The following ATAD2 variants were observed in gnomAD, a reference collection of about 807,000 sequenced individuals.
ATAD2 encodes the protein ATPase family AAA domain containing 2.
ATAD2 carries 62 observed loss-of-function variants against 168.9 expected under a neutral mutation model. The ratio of observed to expected loss-of-function variants is 0.37; its 90% CI spans 0.30 to 0.45. The LOEUF is 0.45. Among genes scored for constraint, ATAD2 ranks in the 20% least tolerant of loss-of-function variants. The pLI, the probability that ATAD2 is intolerant of heterozygous loss-of-function variation, is 1.00. For synonymous variants in ATAD2, 613 were observed against 571.6 expected (o/e 1.07, Z -1.03); for missense variants, 1,419 against 1,667.8 (o/e 0.85, Z 2.60).
At chr8:123,413,854 CT>C (rs1813199357) in intron 1 of ATAD2, among the ~76,000 whole-genome samples, 1 of 151,770 alleles carries the variant, frequency 6.6e-6, no homozygotes, top group Non-Finnish European at 1.5e-5. Flanking sequence ...TGTGCAAAGG[CT>C]TGGGGTATCA....
chr8:123,351,521 TG>T (rs1380948819), intron 13 of ATAD2, among the ~76,000 whole-genome samples: 1 of 152,098 alleles, frequency 6.6e-6, no homozygotes, highest in Admixed American at 6.5e-5. Flanking sequence ...GGCTGCAAAA[TG>T]GTGACTTTCT....
intron 12 of ATAD2, among the ~76,000 whole-genome samples, chr8:123,357,257 C>T (rs1563848243): frequency 6.6e-6 from 1 of 152,082 alleles, no homozygotes; most frequent in Admixed American, 6.5e-5. Context: ...TCTTTAACTC[C>T]CATACTGAGC....
chr8:123,340,639 A>G (rs2131308676), intron 19 of ATAD2, among the ~76,000 whole-genome samples: 1 of 152,374 alleles, frequency 6.6e-6, no homozygotes. Context: ...CCTAAAAAGG[A>G]ATAAAATTTG....
intron 1 of ATAD2, among the ~76,000 whole-genome samples, chr8:123,410,175 C>G (rs1240486105): frequency 6.6e-6 from 1 of 152,110 alleles, no homozygotes; most frequent in African/African-American, 2.4e-5. Flanking sequence ...TTTCGTATTT[C>G]TTCCTTAACC....
At chr8:123,401,614 C>A in intron 1 of ATAD2, 2 of 1,102,808 alleles carry the variant, frequency 1.8e-6, no homozygotes, top group Non-Finnish European at 2.8e-6. Flanking sequence ...ACTGTGTGTA[C>A]AAGGTGGCTG....
intron 1 of ATAD2, among the ~76,000 whole-genome samples, chr8:123,406,859 T>G (rs550137886): frequency 3.3e-5 from 5 of 152,056 alleles, no homozygotes; most frequent in Admixed American, 2.0e-4. Flanking sequence ...CTTTAGCTTT[T>G]GGTTGGATTA....
rs140952509 is a variant in ATAD2, at chr8:123,375,827, G to A, written c.321-3141C>T. 3.7e-3 allele frequency among the ~76,000 whole-genome samples: 569 copies of A among 152,014 alleles called. 4 individuals carry two copies. The highest frequency in any genetic ancestry group is 0.013 in the African/African-American group (548 of 41,464). On this transcript the variant is annotated intron_variant, in intron 2 of 27. Coordinates refer to ENST00000287394, the MANE Select transcript of ATAD2 (RefSeq NM_014109.4). The stretch of plus-strand genomic sequence containing the variant: ...ATCTACTAAAAATACAAAAATTAGT[G>A]GCTGGGTGCAGTGGCTTATGCCTGT...
At chr8:123,354,864 A>AATATATATATATATATATAT (rs1251736641) in intron 13 of ATAD2, among the ~76,000 whole-genome samples, 23 of 64,704 alleles carry the variant, frequency 3.6e-4, no homozygotes, top group African/African-American at 2.0e-3. Context: ...AAAAAAAAAA[A>AATATATATATATATATATAT]ATATATATAT....
At chr8:123,398,008 G>C (rs914799403), upstream of ATAD2, among the ~76,000 whole-genome samples, 27 of 151,932 alleles carry the variant, frequency 1.8e-4, no homozygotes, top group African/African-American at 6.3e-4. Flanking sequence ...ACTTTTGAGG[G>C]CTTTTATTAT....
Position 123,366,741 on chromosome 8 carries a change from G to C in ATAD2, c.1049+2317C>G, listed in dbSNP as rs73341760. ...AACTGTGGGAACTCAGGGGGAAAGA[G>C]TGGGAAGGGAGTGAGGGATAAAAGA... On this transcript the variant is annotated intron_variant, in intron 8 of 27. Transcript: ENST00000287394. Among the ~76,000 whole-genome samples the C allele has an allele frequency of 9.3e-4, 141 of 152,316 alleles. 2 individuals carry two copies. Among genetic ancestry groups the C allele is most frequent in the African/African-American group, 3.3e-3 (139 of 41,574 alleles).
intron 1 of ATAD2, among the ~76,000 whole-genome samples, chr8:123,384,079 CA>C (rs754380577): frequency 0.048 from 3,488 of 73,328 alleles, 110 homozygotes; most frequent in African/African-American, 0.14. Context: ...GACTCCGTCT[CA>C]AAAAAAAAAA....
At chr8:123,354,855 AAAAAAAAAAATAT>A (rs1231558494) in intron 13 of ATAD2, among the ~76,000 whole-genome samples, 3 of 125,048 alleles carry the variant, frequency 2.4e-5, no homozygotes, top group Non-Finnish European at 4.9e-5. Flanking sequence ...AAAAAAAAAA[AAAAAAAAAAATAT>A]ATATATATAT....
chr8:123,326,124 TAA>T, intron 25 of ATAD2, 98 bp from the exon 26 acceptor site: 2 of 1,312,740 alleles, frequency 1.5e-6, no homozygotes, highest in Non-Finnish European at 2.1e-6. Flanking sequence ...GCATGTTTAC[TAA>T]GGACATAAAC....
rs189562080 is a variant in ATAD2, at chr8:123,383,614, A to G, written c.172-2937T>C. On this transcript the variant is annotated intron_variant, in intron 1 of 27. Transcript: ENST00000287394. ...TGGAGAAACCCTGTCTCTACTAAAAATACAAAAAATCAGCCGGGCGAGGTG... is the reference window on the plus strand; with the variant it reads ...TGGAGAAACCCTGTCTCTACTAAAAGTACAAAAAATCAGCCGGGCGAGGTG... Among the ~76,000 whole-genome samples, 573 of 152,262 alleles carry G rather than the reference A, an allele frequency of 3.8e-3. 1 individual carries two copies. Among genetic ancestry groups the G allele is most frequent in the Non-Finnish European group, 6.7e-3 (453 of 68,000 alleles).
upstream of ATAD2, among the ~76,000 whole-genome samples, chr8:123,397,841 AT>A (rs1812925823): frequency 6.6e-6 from 1 of 152,166 alleles, no homozygotes; most frequent in Admixed American, 6.5e-5. Flanking sequence ...AAATAGGGTG[AT>A]TAGGGAAGGT....
At chr8:123,350,529 CTTGACAGT>C (rs1261176422) in intron 13 of ATAD2, among the ~76,000 whole-genome samples, 1 of 152,118 alleles carries the variant, frequency 6.6e-6, no homozygotes, top group Non-Finnish European at 1.5e-5. Flanking sequence ...CACTGAATTC[CTTGACAGT>C]TCCCACTGTG....
chr8:123,321,437 T>C (rs933256922), intron 27 of ATAD2, among the ~76,000 whole-genome samples: 1 of 151,178 alleles, frequency 6.6e-6, no homozygotes, highest in African/African-American at 2.4e-5. Flanking sequence ...AAGGTACTGA[T>C]GTAGTTAGAG....
At chr8:123,367,433 G>A (rs1829015384) in intron 8 of ATAD2, among the ~76,000 whole-genome samples, 1 of 152,070 alleles carries the variant, frequency 6.6e-6, no homozygotes, top group South Asian at 2.1e-4. Flanking sequence ...AACAAAACGG[G>A]AGAAGAAATA....
chr8:123,335,547 G>T (rs1287209543), intron 22 of ATAD2, among the ~76,000 whole-genome samples: 1 of 152,028 alleles, frequency 6.6e-6, no homozygotes, highest in Non-Finnish European at 1.5e-5. Context: ...TTATCCACTG[G>T]TAAGAGTTAA....
Sources: gnomAD v4.1 joint callset for allele counts (sites outside exome capture counted in the v4.1 genomes callset) on GRCh38, gnomAD v4.1.1 for gene constraint, MANE v1.5 for transcripts, NCBI Gene and HGNC (gene_info 2026-07-23, HGNC 2026-07-21) for gene names.